The following MTSS1 variants were observed in gnomAD, a reference collection of about 807,000 sequenced individuals.
MTSS1 encodes MTSS I-BAR domain containing 1.
MTSS1 carries 18 observed loss-of-function variants against 79.0 expected under a neutral mutation model. The ratio of observed to expected loss-of-function variants is 0.23; its 90% CI spans 0.16 to 0.34. MTSS1 has a LOEUF of 0.34. Among genes scored for constraint, MTSS1 ranks in the 10% least tolerant of loss-of-function variants. The pLI, the probability that MTSS1 is intolerant of heterozygous loss-of-function variation, is 1.00. For synonymous variants in MTSS1, 341 were observed against 368.6 expected (o/e 0.93, Z 0.86); for missense variants, 815 against 986.2 (o/e 0.83, Z 2.33).
chr8:124,567,167 G>A lies in MTSS1; in HGVS notation c.630C>T (p.Ile210=). 6.2e-7 allele frequency: 1 copy of A among 1,611,200 alleles called. No individual in the cohort carries two copies. Among genetic ancestry groups the A allele is most frequent in the Admixed American group, 1.7e-5 (1 of 60,004 alleles). ...GGTGGGTTATTTCCCCTAGCATTGA[G>A]ATTTCTTCTTCCTGAAGGAAAAGTC... ...SMLRPVIEEE[I]SMLGEITHLQ... The change falls in exon 8 of 14, where the codon ATC becomes ATT. Residue 210 remains isoleucine, a synonymous_variant. Transcript: ENST00000518547.
chr8:124,620,175 G>C (rs1488539028), intron 3 of MTSS1, among the ~76,000 whole-genome samples: 2 of 151,986 alleles, frequency 1.3e-5, no homozygotes, highest in Non-Finnish European at 2.9e-5. Flanking sequence ...AGAACTCCCA[G>C]CCTCAGGTGA....
At chr8:124,579,599 C>G (rs1374214225) in intron 6 of MTSS1, 1 of 152,206 alleles carries the variant, frequency 6.6e-6, no homozygotes, top group Non-Finnish European at 1.5e-5. Context: ...ACTGTGCAAG[C>G]TGTTTCATAA....
At chr8:124,616,365 A>G (rs1161333373) in intron 3 of MTSS1, among the ~76,000 whole-genome samples, 2 of 96,180 alleles carry the variant, frequency 2.1e-5, no homozygotes, top group Non-Finnish European at 2.0e-5. Context: ...TGCCTGTTTC[A>G]GGCAGTAAAA....
At chr8:124,657,907 T>C (rs12545287) in intron 3 of MTSS1, among the ~76,000 whole-genome samples, 5,930 of 152,294 alleles carry the variant, frequency 0.039, 271 homozygotes, top group East Asian at 0.19. Context: ...TAATCTCCAC[T>C]GTGATGGTAT....
At chr8:124,567,701 C>A in intron 7 of MTSS1, 1 of 1,492,690 alleles carries the variant, frequency 6.7e-7, no homozygotes, top group Non-Finnish European at 8.9e-7. Context: ...AGAAACATCC[C>A]ATGTGCTTTA....
intron 11 of MTSS1, among the ~76,000 whole-genome samples, chr8:124,556,949 A>G (rs1172112347): frequency 3.9e-5 from 6 of 152,232 alleles, no homozygotes; most frequent in Admixed American, 1.3e-4. Flanking sequence ...AGAAGCCTTG[A>G]GAGGCCCACA....
intron 3 of MTSS1, among the ~76,000 whole-genome samples, chr8:124,672,938 GATGAAGAAGAAATGAGACCTCT>G (rs1824556114): frequency 6.6e-6 from 1 of 151,938 alleles, no homozygotes; most frequent in Non-Finnish European, 1.5e-5. Flanking sequence ...AAAAGGGCAT[GATGAAGAAGAAATGAGACCTCT>G]CATTTATTGT....
At position 124,578,842 on chromosome 8, in the gene MTSS1, T is replaced by G. The variant is rs189863508; in HGVS notation, c.460+6245A>C. 3.2e-3 allele frequency among the ~76,000 whole-genome samples: 494 copies of G among 152,124 alleles called. 2 individuals carry two copies. The highest frequency in any genetic ancestry group is 0.012 in the South Asian group (58 of 4,812). On this transcript the variant is annotated intron_variant, in intron 6 of 13. Transcript: ENST00000518547. ...ATCTGCCCACCTAGGCCTCCCAAAGTGCTGGGATTACAGGCATGAGCCACC... is the reference window on the plus strand; with the variant it reads ...ATCTGCCCACCTAGGCCTCCCAAAGGGCTGGGATTACAGGCATGAGCCACC...
chr8:124,626,861 G>A (rs1814784777), intron 3 of MTSS1, among the ~76,000 whole-genome samples: 1 of 152,068 alleles, frequency 6.6e-6, no homozygotes, highest in Non-Finnish European at 1.5e-5. Context: ...CCATGGTGAC[G>A]GTCACAGAGC....
intron 3 of MTSS1, among the ~76,000 whole-genome samples, chr8:124,652,773 C>T (rs1235772325): frequency 6.7e-4 from 91 of 135,344 alleles, no homozygotes; most frequent in African/African-American, 2.4e-3. Flanking sequence ...CCAGCCTGGG[C>T]GACAGAGCGA....
At chr8:124,664,231 C>T (rs868586605) in intron 3 of MTSS1, among the ~76,000 whole-genome samples, 3 of 152,122 alleles carry the variant, frequency 2.0e-5, no homozygotes, top group South Asian at 2.1e-4. Flanking sequence ...GAACCACAGG[C>T]GTAAGTTCAA....
At position 124,563,012 on chromosome 8, in the gene MTSS1, GT is replaced by G; in HGVS notation, c.825-21del. ...AGGCTGCTGTGGAGGACAAGCAGGG[GT>G]GAGGGGTGGGCACGGAAGGTAAAGA... On this transcript the variant is annotated intron_variant, in intron 9 of 13. Coordinates refer to ENST00000518547, the MANE Select transcript of MTSS1 (RefSeq NM_014751.6). 1 of 1,587,428 alleles carries G rather than the reference GT, an allele frequency of 6.3e-7. No individual in the cohort carries two copies. Among genetic ancestry groups the G allele is most frequent in the Non-Finnish European group, 8.6e-7 (1 of 1,167,166 alleles).
intron 1 of MTSS1, among the ~76,000 whole-genome samples, chr8:124,723,887 G>A (rs1833300837): frequency 6.6e-6 from 1 of 152,172 alleles, no homozygotes; most frequent in African/African-American, 2.4e-5. Context: ...GGTTTTCAGT[G>A]CTGTCCTGGA....
chr8:124,717,652 C>T (rs2066577851), intron 1 of MTSS1, among the ~76,000 whole-genome samples: 1 of 152,166 alleles, frequency 6.6e-6, no homozygotes, highest in African/African-American at 2.4e-5. Flanking sequence ...TGAGATCGCG[C>T]CACTGCATAC....
At chr8:124,649,332 CT>C (rs1484504901) in intron 3 of MTSS1, among the ~76,000 whole-genome samples, 1 of 152,180 alleles carries the variant, frequency 6.6e-6, no homozygotes, top group African/African-American at 2.4e-5. Flanking sequence ...GCATGGAAAC[CT>C]CTAAGGAGAG....
chr8:124,569,655 T>G (rs1365571846), intron 6 of MTSS1, among the ~76,000 whole-genome samples: 1 of 152,198 alleles, frequency 6.6e-6, no homozygotes, highest in Non-Finnish European at 1.5e-5. Context: ...CAGGGCAGGA[T>G]TTTGGTCTTT....
intron 3 of MTSS1, among the ~76,000 whole-genome samples, chr8:124,691,796 G>A (rs950891303): frequency 6.6e-6 from 1 of 152,170 alleles, no homozygotes; most frequent in Non-Finnish European, 1.5e-5. Context: ...GATTACAGGC[G>A]TGAGCCACCG....
intron 3 of MTSS1, among the ~76,000 whole-genome samples, chr8:124,694,581 A>G (rs1280809149): frequency 6.6e-6 from 1 of 152,034 alleles, no homozygotes; most frequent in African/African-American, 2.4e-5. Flanking sequence ...CTCTGTTCTG[A>G]GTGGTTCATG....
chr8:124,567,257 G>A lies in MTSS1; in HGVS notation c.619-79C>T. 1.6e-6 allele frequency: 2 copies of A among 1,222,738 alleles called. 1 individual carries two copies. Among genetic ancestry groups the A allele is most frequent in the South Asian group, 2.6e-5 (2 of 77,972 alleles). 75.7% of individuals were successfully genotyped at this position (1,222,738 alleles called of 1,614,324 possible). On this transcript the variant is annotated intron_variant, in intron 7 of 13. Coordinates refer to ENST00000518547, the MANE Select transcript of MTSS1 (RefSeq NM_014751.6). Reference sequence around the variant, plus strand: ...GCTCTAGTCCAATTGTTTTCATTAGGGTCTCTGTATAACCCTTTCAGTTTT... The same window carrying A: ...GCTCTAGTCCAATTGTTTTCATTAGAGTCTCTGTATAACCCTTTCAGTTTT...
Sources: gnomAD v4.1 joint callset for allele counts (sites outside exome capture counted in the v4.1 genomes callset) on GRCh38, gnomAD v4.1.1 for gene constraint, MANE v1.5 for transcripts, NCBI Gene and HGNC (gene_info 2026-07-23, HGNC 2026-07-21) for gene names.